The following ROBO1 variants were observed in gnomAD, a reference collection of about 807,000 sequenced individuals.
ROBO1 encodes roundabout homolog 1.
A neutral mutation model predicts 195.9 loss-of-function variants in ROBO1; 149 were observed. That is an observed-to-expected ratio of 0.76 (90% confidence interval 0.67 to 0.87). The LOEUF is 0.87. ROBO1 is among the 40% of genes least tolerant of loss of function. ROBO1 has a pLI of 0.00. For missense variants in ROBO1, 1,933 were observed against 2,068.3 expected (o/e 0.93, Z 1.27); for synonymous variants, 816 against 733.2 (o/e 1.11, Z -1.82).
chr3:79,411,113 A>T (rs2037746908), intron 2 of ROBO1, among the ~76,000 whole-genome samples: 1 of 152,106 alleles, frequency 6.6e-6, no homozygotes, highest in Non-Finnish European at 1.5e-5. Flanking sequence ...TAGACATAGG[A>T]CTTCTAAAGT....
chr3:79,214,754 T>C (rs1415805536), intron 2 of ROBO1, among the ~76,000 whole-genome samples: 1 of 148,322 alleles, frequency 6.7e-6, no homozygotes, highest in Non-Finnish European at 1.5e-5. Flanking sequence ...ATAGCATGTA[T>C]ATATATAGCA....
chr3:79,521,577 G>A (rs1053691847), intron 2 of ROBO1, among the ~76,000 whole-genome samples: 1 of 152,066 alleles, frequency 6.6e-6, no homozygotes, highest in East Asian at 1.9e-4. Flanking sequence ...TAACACTATC[G>A]AAAAAAGGTT....
chr3:79,324,942 A>G (rs1188756383), intron 2 of ROBO1, among the ~76,000 whole-genome samples: 1 of 152,190 alleles, frequency 6.6e-6, no homozygotes, highest in Non-Finnish European at 1.5e-5. Context: ...TCGAGTTGAG[A>G]GTTGATGGTT....
chr3:78,753,603 T>C (rs941862180), intron 4 of ROBO1, among the ~76,000 whole-genome samples: 1 of 152,182 alleles, frequency 6.6e-6, no homozygotes, highest in Non-Finnish European at 1.5e-5. Context: ...GCCATGGTGG[T>C]TGGCTGCACC....
intron 3 of ROBO1, among the ~76,000 whole-genome samples, chr3:79,111,400 G>T (rs1405323518): frequency 6.6e-6 from 1 of 152,148 alleles, no homozygotes. Flanking sequence ...CTGAATACCT[G>T]ATCTCCCAAA....
chr3:79,609,725 T>C (rs1300630835), intron 1 of ROBO1, among the ~76,000 whole-genome samples: 1 of 151,862 alleles, frequency 6.6e-6, no homozygotes, highest in Non-Finnish European at 1.5e-5. Context: ...ATCGAGACAT[T>C]ATGCTACGTG....
chr3:78,711,649 C>T (rs115027891), intron 8 of ROBO1, among the ~76,000 whole-genome samples: 4,502 of 135,340 alleles, frequency 0.033, 96 homozygotes, highest in Non-Finnish European at 0.049. Context: ...CCACGCCCAG[C>T]TAATTTTTTT....
chr3:79,683,483 A>T (rs189907541), intron 1 of ROBO1, among the ~76,000 whole-genome samples: 186 of 152,258 alleles, frequency 1.2e-3, no homozygotes, highest in African/African-American at 4.1e-3. Context: ...TTTACAATTT[A>T]TATCAGGCAA....
chr3:79,551,811 A>G (rs1231773275), intron 2 of ROBO1, among the ~76,000 whole-genome samples: 2 of 151,822 alleles, frequency 1.3e-5, no homozygotes, highest in Admixed American at 1.3e-4. Flanking sequence ...GGATGATCTT[A>G]CCAAGTCTCT....
In ROBO1 at chr3:79,204,974, ATTAGTTAGTTAG is replaced by A. The variant is rs113126682; in HGVS notation, c.89-79447_89-79436del. On this transcript the variant is annotated intron_variant, in intron 2 of 30. Transcript: ENST00000464233. Reference sequence around the variant, plus strand: ...GCTTCCTTTCTTTTTGACTTGGAGAATTAGTTAGTTAGTTAGTTAGTTAGTTAGTTAGTTTTT... The same window carrying A: ...GCTTCCTTTCTTTTTGACTTGGAGAATTAGTTAGTTAGTTAGTTAGTTTTT... 3.5e-4 allele frequency among the ~76,000 whole-genome samples: 53 copies of A among 150,446 alleles called. 1 individual carries two copies. The East Asian group carries it at 3.9e-3, about 11-fold the overall frequency.
chr3:79,579,350 T>G (rs1315215287), intron 2 of ROBO1, among the ~76,000 whole-genome samples: 3 of 152,038 alleles, frequency 2.0e-5, no homozygotes, highest in Non-Finnish European at 4.4e-5. Context: ...GTTCAAGGGA[T>G]GGTCACAGAC....
chr3:79,358,041 C>A (rs563648512), intron 2 of ROBO1, among the ~76,000 whole-genome samples: 172 of 152,122 alleles, frequency 1.1e-3, no homozygotes, highest in Middle Eastern at 3.4e-3. Flanking sequence ...ATTAGAATAT[C>A]GGTTAAGAGC....
chr3:79,553,444 T>C (rs570703793), intron 2 of ROBO1, among the ~76,000 whole-genome samples: 1 of 152,024 alleles, frequency 6.6e-6, no homozygotes, highest in Non-Finnish European at 1.5e-5. Context: ...GAAAAGGTAA[T>C]AATATGAGTT....
intron 18 of ROBO1, among the ~76,000 whole-genome samples, chr3:78,654,875 T>C (rs1427529010): frequency 6.6e-6 from 1 of 152,140 alleles, no homozygotes; most frequent in Non-Finnish European, 1.5e-5. Flanking sequence ...ACAACAACAA[T>C]ATATAGAGTC....
intron 4 of ROBO1, among the ~76,000 whole-genome samples, chr3:78,787,719 G>C (rs1019886869): frequency 3.3e-5 from 5 of 152,060 alleles, no homozygotes; most frequent in African/African-American, 9.7e-5. Context: ...AAGGCAGGGG[G>C]ATCACTTGAA....
chr3:79,060,030 G>A (rs2078886489), intron 3 of ROBO1, among the ~76,000 whole-genome samples: 1 of 151,906 alleles, frequency 6.6e-6, no homozygotes, highest in Middle Eastern at 3.2e-3. Context: ...GAGTAGCCCT[G>A]GGAAAGGAAT....
chr3:78,918,604 G>A (rs1179765358), intron 4 of ROBO1, among the ~76,000 whole-genome samples: 2 of 152,100 alleles, frequency 1.3e-5, no homozygotes, highest in African/African-American at 4.8e-5. Flanking sequence ...ACAATCTCTA[G>A]GTAGTCTGTT....
chr3:79,732,841 A>T (rs987185145), intron 1 of ROBO1, among the ~76,000 whole-genome samples: 2 of 152,126 alleles, frequency 1.3e-5, no homozygotes, highest in Admixed American at 6.5e-5. Context: ...ATTTTAGTTT[A>T]AGTGACCCTC....
chr3:78,697,876 G>T (rs546449929), intron 8 of ROBO1, among the ~76,000 whole-genome samples: 1 of 152,094 alleles, frequency 6.6e-6, no homozygotes, highest in African/African-American at 2.4e-5. Flanking sequence ...TAAAGCGAAT[G>T]CATCTACAAT....
Sources: allele counts gnomAD v4.1 joint callset (sites outside exome capture counted in the v4.1 genomes callset), GRCh38; gene constraint gnomAD v4.1.1; transcripts MANE v1.5; gene names NCBI Gene and HGNC (gene_info 2026-07-23, HGNC 2026-07-21).